The following NETO1 variants were observed in gnomAD, a reference collection of about 807,000 sequenced individuals.
NETO1 encodes the protein neuropilin and tolloid like 1.
Under a neutral mutation model 61.3 loss-of-function variants are expected in NETO1, and 26 were observed. That is an observed-to-expected ratio of 0.42 (90% CI 0.31 to 0.59). The LOEUF is 0.59. NETO1 is among the 20% of genes least tolerant of loss of function. NETO1 has a pLI of 0.12. For missense variants in NETO1, 531 were observed against 662.8 expected (o/e 0.80, Z 2.18); for synonymous variants, 225 against 225.8 (o/e 1.00, Z 0.03).
At chr18:72,766,118 A>G (rs2071145533) in intron 7 of NETO1, among the ~76,000 whole-genome samples, 1 of 151,906 alleles carries the variant, frequency 6.6e-6, no homozygotes, top group Admixed American at 6.6e-5. Context: ...AGCGGGGAGA[A>G]TCGTTTGAAC....
At chr18:72,840,625 A>G (rs1242751846) in intron 4 of NETO1, among the ~76,000 whole-genome samples, 1 of 135,328 alleles carries the variant, frequency 7.4e-6, no homozygotes. Context: ...ATTTGCTCCA[A>G]CAGGAAATTC....
intron 4 of NETO1, among the ~76,000 whole-genome samples, chr18:72,846,511 A>T (rs111920433): frequency 6.9e-6 from 1 of 144,624 alleles, no homozygotes; most frequent in Non-Finnish European, 1.5e-5. Context: ...TCTCAAAAAA[A>T]AAAAAAAAAA....
rs12959392 is a variant in NETO1 at position 72,830,023 on chromosome 18, G to A, written c.469+28803C>T. 0.32 allele frequency among the ~76,000 whole-genome samples: 48,970 copies of A among 152,070 alleles called. 9,914 individuals are homozygous for A. The highest frequency in any genetic ancestry group is 0.43 in the Non-Finnish European group (29,312 of 67,958). On this transcript the variant is annotated intron_variant, in intron 4 of 10. Coordinates refer to ENST00000327305, the MANE Select transcript of NETO1 (RefSeq NM_138966.5). This position sits in a 1 kb window ranked among gnomAD's most constrained non-coding sequence, Gnocchi z 4.9. ...ACAGACTCTTGGTTATACAAATAAA[G>A]GTTCAAGATAAAGGGATTTGGGGTG... is the stretch of plus-strand genomic sequence containing the variant.
At chr18:72,792,703 C>T (rs2072164625) in intron 6 of NETO1, among the ~76,000 whole-genome samples, 1 of 151,902 alleles carries the variant, frequency 6.6e-6, no homozygotes, top group Non-Finnish European at 1.5e-5. Context: ...TTCCGTATGT[C>T]GCTGAAGCAC....
chr18:72,866,917 T>A, intron 1 of NETO1: 1 of 486,264 alleles, frequency 2.1e-6, no homozygotes, highest in Non-Finnish European at 3.0e-6. Context: ...CCCCACTAGG[T>A]ATCATCCGCG....
At chr18:72,763,768 A>G (rs12960857) in intron 7 of NETO1, among the ~76,000 whole-genome samples, 47,784 of 152,068 alleles carry the variant, frequency 0.31, 8,432 homozygotes, top group South Asian at 0.48. Context: ...ATGGAAAAGC[A>G]GCTGGGGGAG....
intron 7 of NETO1, among the ~76,000 whole-genome samples, chr18:72,777,746 TAAAC>T (rs1246999257): frequency 6.6e-6 from 1 of 152,124 alleles, no homozygotes; most frequent in Non-Finnish European, 1.5e-5. Flanking sequence ...CCATCTCAAA[TAAAC>T]AAACAAACAA....
Position 72,750,540 on chromosome 18 carries a change from T to C in NETO1, c.1063A>G (p.Ile355Val). Residue 355 changes from isoleucine to valine, a missense_variant, in exon 9 of 11, where the codon ATC (isoleucine) becomes GTC (valine). Transcript: ENST00000327305. Reference sequence around the variant, plus strand: ...ACGATGACAGAGATGATAATGAGGATGATCACGATGCAGGAAGTCACGCCA... The same window carrying C: ...ACGATGACAGAGATGATAATGAGGACGATCACGATGCAGGAAGTCACGCCA... ...VIGVTSCIVIILIIISVIVQI... is the reference protein window; with the variant it reads ...VIGVTSCIVIVLIIISVIVQI... 1.2e-6 allele frequency: 2 copies of C among 1,613,840 alleles called. No individual in the cohort carries two copies. Among genetic ancestry groups the C allele is most frequent in the Non-Finnish European group, 1.7e-6 (2 of 1,179,980 alleles).
At chr18:72,804,777 A>G (rs2072620268) in intron 4 of NETO1, among the ~76,000 whole-genome samples, 2 of 152,206 alleles carry the variant, frequency 1.3e-5, no homozygotes, top group Non-Finnish European at 2.9e-5. Context: ...TAATACTGTG[A>G]TATTTTCAAC....
At chr18:72,846,504 CAA>C (rs35252443) in intron 4 of NETO1, among the ~76,000 whole-genome samples, 7 of 12,992 alleles carry the variant, frequency 5.4e-4, no homozygotes, top group East Asian at 3.3e-3. Flanking sequence ...GACTTCATCT[CAA>C]AAAAAAAAAA....
chr18:72,848,668 T>C (rs2074160739), intron 4 of NETO1, among the ~76,000 whole-genome samples: 1 of 152,192 alleles, frequency 6.6e-6, no homozygotes, highest in African/African-American at 2.4e-5. Flanking sequence ...CTGTACTCTG[T>C]CATTTGAGCT....
At chr18:72,748,969 CAG>C (rs1319039244) in intron 10 of NETO1, 43 bp downstream of exon 10, 38 of 1,201,122 alleles carry the variant, frequency 3.2e-5, no homozygotes, top group Non-Finnish European at 4.6e-5. Context: ...TGCAACAAAA[CAG>C]AATACGACAA....
At chr18:72,772,817 CTCTCTCTCTATATA>C (rs1321215609) in intron 7 of NETO1, among the ~76,000 whole-genome samples, 8 of 54,316 alleles carry the variant, frequency 1.5e-4, no homozygotes, top group South Asian at 9.7e-4. Flanking sequence ...CTCTCTCTCT[CTCTCTCTCTATATA>C]TATATATATA....
chr18:72,832,267 T>C (rs1286721848), intron 4 of NETO1, among the ~76,000 whole-genome samples: 1 of 152,172 alleles, frequency 6.6e-6, no homozygotes, highest in Non-Finnish European at 1.5e-5. Context: ...TATTTAAAAA[T>C]TCCACAACAG....
chr18:72,849,497 T>C (rs999848843), intron 4 of NETO1, among the ~76,000 whole-genome samples: 7 of 152,356 alleles, frequency 4.6e-5, no homozygotes, highest in Admixed American at 3.9e-4. Flanking sequence ...TTCATATTTC[T>C]ACTAACAGTA....
intron 3 of NETO1, among the ~76,000 whole-genome samples, chr18:72,859,347 C>T (rs1279656107): frequency 6.6e-6 from 1 of 152,148 alleles, no homozygotes; most frequent in Admixed American, 6.5e-5. Context: ...TAACAAAGCA[C>T]AGTATTTTTA....
At chr18:72,760,251 C>A (rs1340575760) in intron 7 of NETO1, among the ~76,000 whole-genome samples, 2 of 152,220 alleles carry the variant, frequency 1.3e-5, no homozygotes, top group Non-Finnish European at 2.9e-5. Flanking sequence ...TGATTTAAAG[C>A]ACTCACCTAG....
chr18:72,748,302 G>A, intron 10 of NETO1, 138 bp from the exon 11 acceptor site: 2 of 984,616 alleles, frequency 2.0e-6, no homozygotes, highest in Non-Finnish European at 2.4e-6. Context: ...GAGTTTAGAA[G>A]AGATTAGCTG....
Position 72,831,346 on chromosome 18 carries a change from G to A in NETO1, c.469+27480C>T, listed in dbSNP as rs553207093. Among the ~76,000 whole-genome samples the A allele has an allele frequency of 2.1e-4, 32 of 152,276 alleles. 1 individual carries two copies. In the South Asian group the frequency reaches 6.6e-3, roughly 32 times the overall value. On this transcript the variant is annotated intron_variant, in intron 4 of 10. Coordinates refer to ENST00000327305, the MANE Select transcript of NETO1 (RefSeq NM_138966.5). Reference sequence around the variant, plus strand: ...TATTTCTTCATAGAATTACAGTCTGGTGTGTCAGATAAAAGACACTGGGTT... The same window carrying A: ...TATTTCTTCATAGAATTACAGTCTGATGTGTCAGATAAAAGACACTGGGTT...
Sources: gnomAD v4.1 joint callset for allele counts (sites outside exome capture counted in the v4.1 genomes callset) on GRCh38, gnomAD v4.1.1 for gene constraint, Gnocchi (gnomAD v3.1) non-coding constraint, MANE v1.5 for transcripts, NCBI Gene and HGNC (gene_info 2026-07-23, HGNC 2026-07-21) for gene names.